The following TXNDC15 variants were observed in gnomAD, a reference collection of about 807,000 sequenced individuals.
The protein encoded by TXNDC15 is thioredoxin domain-containing protein 15.
TXNDC15 carries 24 observed loss-of-function variants against 35.0 expected under a neutral mutation model. That is an observed-to-expected ratio of 0.68 (90% CI 0.50 to 0.96). TXNDC15 has a LOEUF of 0.96. Ranked by LOEUF, TXNDC15 falls within the 40% of genes least tolerant of loss-of-function variation. TXNDC15 has a pLI of 0.00. For missense variants in TXNDC15, 385 were observed against 453.3 expected, an observed-to-expected ratio of 0.85 and a Z score of 1.37; for synonymous variants, 169 against 174.0, an observed-to-expected ratio of 0.97 and a Z score of 0.23.
rs1750602937 is a variant in TXNDC15 at position 134,901,624 on chromosome 5, G to A, written c.*1939G>A. Reference sequence around the variant, plus strand: ...ATATCCTTTTTAAAGAATAAACTAGGTTGGTGCAGTAGCTCACGCCTGTAA... The same window carrying A: ...ATATCCTTTTTAAAGAATAAACTAGATTGGTGCAGTAGCTCACGCCTGTAA... On this transcript the variant is annotated 3_prime_UTR_variant, in exon 5 of 5. Coordinates refer to ENST00000358387, the MANE Select transcript of TXNDC15 (RefSeq NM_024715.4). The A allele has an allele frequency of 6.6e-6, 1 of 152,138 alleles. No homozygotes were observed. The highest frequency in any genetic ancestry group is 1.5e-5 in the Non-Finnish European group (1 of 68,030). The allele number at this position is 152,138 out of a possible 1,614,324, so 9.4% of individuals were successfully genotyped here.
At chr5:134,889,443 C>G (rs1481072047) in intron 2 of TXNDC15, among the ~76,000 whole-genome samples, 1 of 152,220 alleles carries the variant, frequency 6.6e-6, no homozygotes, top group Admixed American at 6.5e-5. Flanking sequence ...AGGCTGGTCT[C>G]AAATTCCCGA....
chr5:134,893,807 T>C, intron 3 of TXNDC15, 152 bp downstream of exon 3: 1 of 1,053,812 alleles, frequency 9.5e-7, no homozygotes, highest in Middle Eastern at 3.2e-4. Context: ...GTGAGGATTA[T>C]CATACTCCTG....
At chr5:134,898,501 G>A (rs970351840) in intron 4 of TXNDC15, among the ~76,000 whole-genome samples, 12 of 152,122 alleles carry the variant, frequency 7.9e-5, no homozygotes, top group Non-Finnish European at 1.5e-4. Flanking sequence ...AACACACATT[G>A]CATATATATT....
chr5:134,881,171 T>TTTTTTTTATTTATTTA (rs1554162544), intron 1 of TXNDC15, among the ~76,000 whole-genome samples: 2 of 124,308 alleles, frequency 1.6e-5, no homozygotes, highest in African/African-American at 6.3e-5. Flanking sequence ...GATAGGTTCT[T>TTTTTTTTATTTATTTA]TTTATTTATT....
rs183846459 is a variant in TXNDC15 at position 134,891,225 on chromosome 5, G to T, written c.592-2267G>T. 3.2e-3 allele frequency among the ~76,000 whole-genome samples: 482 copies of T among 152,264 alleles called. 3 individuals are homozygous for T. Among genetic ancestry groups the T allele is most frequent in the African/African-American group, 0.011 (459 of 41,552 alleles). On this transcript the variant is annotated intron_variant, in intron 2 of 4. Transcript: ENST00000358387. ...TAGAATGGTAAATCCTTTCCAGAAG[G>T]TTTTAAATTTATTTTGCCCAAATCC...
chr5:134,881,199 A>ATTTATTTTTTTT (rs1469910084), intron 1 of TXNDC15, among the ~76,000 whole-genome samples: 74 of 132,498 alleles, frequency 5.6e-4, no homozygotes, highest in African/African-American at 1.9e-3. Flanking sequence ...TTATTTATTT[A>ATTTATTTTTTTT]TTTTTTTATT....
At chr5:134,879,851 G>A (rs1750106469) in intron 1 of TXNDC15, among the ~76,000 whole-genome samples, 1 of 148,606 alleles carries the variant, frequency 6.7e-6, no homozygotes, top group Admixed American at 6.8e-5. Context: ...CTGGAGTGCA[G>A]TGGCGTGATT....
At chr5:134,876,851 T>C (rs182834877) in intron 1 of TXNDC15, among the ~76,000 whole-genome samples, 362 of 150,488 alleles carry the variant, frequency 2.4e-3, no homozygotes, top group Non-Finnish European at 4.2e-3. Context: ...TGTCTAGGAA[T>C]GGAAGCAAAC....
At chr5:134,879,631 GC>G (rs1335719013) in intron 1 of TXNDC15, among the ~76,000 whole-genome samples, 3 of 151,934 alleles carry the variant, frequency 2.0e-5, no homozygotes, top group Non-Finnish European at 2.9e-5. Flanking sequence ...ATGTGATCCC[GC>G]CCCTCCACCA....
At chr5:134,876,625 A>T (rs1165314700) in intron 1 of TXNDC15, among the ~76,000 whole-genome samples, 2 of 151,994 alleles carry the variant, frequency 1.3e-5, no homozygotes, top group African/African-American at 4.8e-5. Context: ...TGGCTGATTC[A>T]GGGTTCAGCT....
At chr5:134,882,288 G>A (rs963184246) in intron 1 of TXNDC15, among the ~76,000 whole-genome samples, 1 of 151,816 alleles carries the variant, frequency 6.6e-6, no homozygotes, top group African/African-American at 2.4e-5. Flanking sequence ...ATGGGATGGC[G>A]GCCGGGAAGA....
At position 134,874,384 on chromosome 5, in the gene TXNDC15, C is replaced by T. The variant is rs1289135947; in HGVS notation, c.-44C>T. ...CCCCCAGCCTTCCTCCGGCTGGCAG[C>T]ACGACTCGCGTAGCCGTGCGCCGAT... On this transcript the variant is annotated 5_prime_UTR_variant, in exon 1 of 5. Coordinates refer to ENST00000358387, the MANE Select transcript of TXNDC15 (RefSeq NM_024715.4). 6.1e-5 allele frequency: 92 copies of T among 1,516,978 alleles called. No homozygotes were observed. The highest frequency in any genetic ancestry group is 7.6e-5 in the Non-Finnish European group (86 of 1,131,558). The allele number at this position is 1,516,978 out of a possible 1,614,324, so 94.0% of individuals were successfully genotyped here.
chr5:134,886,859 G>A (rs55915861), intron 1 of TXNDC15, among the ~76,000 whole-genome samples: 3,278 of 152,254 alleles, frequency 0.022, 98 homozygotes, highest in African/African-American at 0.068. Flanking sequence ...GTGTACCATC[G>A]GACACTGTGC....
At chr5:134,879,856 G>A (rs979654102) in intron 1 of TXNDC15, among the ~76,000 whole-genome samples, 4 of 148,920 alleles carry the variant, frequency 2.7e-5, no homozygotes, top group Admixed American at 1.3e-4. Flanking sequence ...GTGCAGTGGC[G>A]TGATTCTCGG....
chr5:134,887,530 C>T (rs1453890403), intron 1 of TXNDC15, among the ~76,000 whole-genome samples, 165 bp from the exon 2 acceptor site: 2 of 152,190 alleles, frequency 1.3e-5, no homozygotes, highest in African/African-American at 4.8e-5. Flanking sequence ...TGCTTGTGAC[C>T]TTCTTCCTAA....
chr5:134,874,261 G>A (rs564234170), upstream of TXNDC15: 5 of 582,640 alleles, frequency 8.6e-6, no homozygotes, highest in African/African-American at 6.0e-5. Context: ...ACGGCCAGCG[G>A]CTAGAGGCCG....
At chr5:134,874,312 T>G, upstream of TXNDC15, 5 of 784,560 alleles carry the variant, frequency 6.4e-6, no homozygotes, top group Non-Finnish European at 7.7e-6. Flanking sequence ...AGCTGCCAGG[T>G]GTTAAGATGG....
chr5:134,887,284 C>T (rs1750294546), intron 1 of TXNDC15, among the ~76,000 whole-genome samples: 1 of 152,128 alleles, frequency 6.6e-6, no homozygotes, highest in South Asian at 2.1e-4. Context: ...TCCTAGGTTC[C>T]AGCAATCCTC....
chr5:134,895,667 T>C (rs1750475670), intron 3 of TXNDC15, among the ~76,000 whole-genome samples: 1 of 151,718 alleles, frequency 6.6e-6, no homozygotes, highest in Non-Finnish European at 1.5e-5. Context: ...TTAGCAAGGT[T>C]AAATAATCTG....
Sources: gnomAD v4.1 joint callset for allele counts (sites outside exome capture counted in the v4.1 genomes callset) on GRCh38, gnomAD v4.1.1 for gene constraint, MANE v1.5 for transcripts, NCBI Gene and HGNC (gene_info 2026-07-23, HGNC 2026-07-21) for gene names.